Variants in ABCC4 observed in about 807,000 individuals in gnomAD.
The protein encoded by ABCC4 is ATP-binding cassette sub-family C member 4.
Under a neutral mutation model 168.5 loss-of-function variants are expected in ABCC4, and 102 were observed. That is an observed-to-expected ratio of 0.61 (90% CI 0.52 to 0.71). ABCC4 has a LOEUF of 0.71. ABCC4 is among the 30% of genes least tolerant of loss of function. The probability of loss-of-function intolerance (pLI) is 0.00; values close to 1 mark genes in which losing one functional copy is unlikely to be tolerated. For synonymous variants in ABCC4, 617 were observed against 590.7 expected (o/e 1.04, Z -0.65); for missense variants, 1,402 against 1,605.8 (o/e 0.87, Z 2.17).
Position 95,192,867 on chromosome 13 carries a change from C to T in ABCC4, c.1263+1969G>A, listed in dbSNP as rs543421944. Among the ~76,000 whole-genome samples, 25 of 152,092 alleles carry T rather than the reference C, an allele frequency of 1.6e-4. No homozygotes were observed. The East Asian group carries it at 3.7e-3, about 22-fold the overall frequency. ...CTGGGAGACAGAGGTTACAGTGAGCCGAAATCACAGCACTGCACTCCAGCC... is the reference window on the plus strand; with the variant it reads ...CTGGGAGACAGAGGTTACAGTGAGCTGAAATCACAGCACTGCACTCCAGCC... On this transcript the variant is annotated intron_variant, in intron 9 of 30. Coordinates refer to ENST00000645237, the MANE Select transcript of ABCC4 (RefSeq NM_005845.5).
At chr13:95,142,230 G>C (rs566728610) in intron 19 of ABCC4, among the ~76,000 whole-genome samples, 2 of 152,126 alleles carry the variant, frequency 1.3e-5, no homozygotes, top group African/African-American at 4.8e-5. Context: ...ATATAGATAC[G>C]ACAGAATACT....
chr13:95,148,690 C>T lies in ABCC4; in HGVS notation c.2455+12499G>A, dbSNP rs2036577348. ...TGATCAAGAGGCTCTTAAATGACAACCAAAGTTCTCTCTCATTTGACATCA... is the reference window on the plus strand; with the variant it reads ...TGATCAAGAGGCTCTTAAATGACAATCAAAGTTCTCTCTCATTTGACATCA... On this transcript the variant is annotated intron_variant, in intron 19 of 30. Coordinates refer to ENST00000645237, the MANE Select transcript of ABCC4 (RefSeq NM_005845.5). Among the ~76,000 whole-genome samples, 4 of 149,284 alleles carry T rather than the reference C, an allele frequency of 2.7e-5. No homozygotes were observed. The Admixed American group carries it at 2.7e-4, about 10-fold the overall frequency.
intron 4 of ABCC4, among the ~76,000 whole-genome samples, chr13:95,232,158 A>AGTAG (rs1566551495): frequency 6.7e-6 from 1 of 150,066 alleles, no homozygotes; most frequent in Admixed American, 6.6e-5. Flanking sequence ...GGTGGTGGTG[A>AGTAG]TGATGATGAA....
At chr13:95,104,405 T>C (rs570191065) in intron 20 of ABCC4, among the ~76,000 whole-genome samples, 1 of 152,298 alleles carries the variant, frequency 6.6e-6, no homozygotes, top group Non-Finnish European at 1.5e-5. Flanking sequence ...TGAAAAAACA[T>C]GTCCGGGTCT....
chr13:95,021,916 C>A (rs1173451867), intron 30 of ABCC4, among the ~76,000 whole-genome samples: 1 of 152,166 alleles, frequency 6.6e-6, no homozygotes, highest in Non-Finnish European at 1.5e-5. Flanking sequence ...GTTCCGATCA[C>A]TCTGATTCAT....
In ABCC4 at chr13:95,043,736, G is replaced by T. The variant is rs775645310; in HGVS notation, c.3681C>A (p.Thr1227=). Residue 1227 remains threonine, a synonymous_variant, in exon 29 of 31, where the codon ACC becomes ACA. Transcript: ENST00000645237. The part of the protein sequence containing the change: ...KKIREKFAHC[T]VLTIAHRLNT... ...TCAATCTGTGTGCAATGGTTAGCACGGTGCAGTGGGCAAATTTCTCCCGGA... is the reference window on the plus strand; with the variant it reads ...TCAATCTGTGTGCAATGGTTAGCACTGTGCAGTGGGCAAATTTCTCCCGGA... 4.3e-6 allele frequency: 7 copies of T among 1,613,748 alleles called. No homozygotes were observed. The highest frequency in any genetic ancestry group is 5.9e-6 in the Non-Finnish European group (7 of 1,179,910).
intron 3 of ABCC4, among the ~76,000 whole-genome samples, chr13:95,237,562 A>C (rs1046104095): frequency 6.6e-6 from 1 of 152,148 alleles, no homozygotes; most frequent in African/African-American, 2.4e-5. Flanking sequence ...AGGATACTTG[A>C]ATGTTCCATA....
At chr13:95,201,959 T>C (rs1192553836) in intron 8 of ABCC4, among the ~76,000 whole-genome samples, 2 of 151,916 alleles carry the variant, frequency 1.3e-5, no homozygotes, top group African/African-American at 4.8e-5. Flanking sequence ...GCCGACAGAG[T>C]GAGACTCATC....
intron 26 of ABCC4, among the ~76,000 whole-genome samples, chr13:95,057,116 T>C (rs114815066): frequency 0.021 from 3,252 of 152,338 alleles, 102 homozygotes; most frequent in African/African-American, 0.072. Flanking sequence ...CCCTGTGTCA[T>C]GAACACAAAA....
At chr13:95,149,054 A>G (rs2036591193) in intron 19 of ABCC4, 2 of 152,232 alleles carry the variant, frequency 1.3e-5, no homozygotes, top group African/African-American at 4.8e-5. Context: ...CATCTGGTCT[A>G]AAGACTTGAC....
intron 1 of ABCC4, among the ~76,000 whole-genome samples, chr13:95,260,690 T>C (rs1049156711): frequency 1.3e-5 from 2 of 152,130 alleles, no homozygotes; most frequent in Admixed American, 1.3e-4. Context: ...GCATGGGGTC[T>C]GGGGTGATAA....
intron 19 of ABCC4, among the ~76,000 whole-genome samples, chr13:95,121,123 A>G (rs973250411): frequency 4.6e-5 from 7 of 152,194 alleles, no homozygotes; most frequent in African/African-American, 1.7e-4. Flanking sequence ...ACAAGACATG[A>G]GGTACTTATC....
chr13:95,194,758 A>G (rs1405613889), intron 9 of ABCC4, 78 bp downstream of exon 9: 1 of 1,170,798 alleles, frequency 8.5e-7, no homozygotes, highest in Non-Finnish European at 1.2e-6. Context: ...TACCATGTGT[A>G]ACACCTCAAA....
intron 18 of ABCC4, among the ~76,000 whole-genome samples, chr13:95,162,710 T>C (rs1393212044): frequency 1.3e-5 from 2 of 152,176 alleles, no homozygotes; most frequent in African/African-American, 2.4e-5. Context: ...GAGGATTTCA[T>C]CCAAGTTCAA....
chr13:95,227,794 C>T (rs1566547968), intron 4 of ABCC4, among the ~76,000 whole-genome samples: 1 of 152,184 alleles, frequency 6.6e-6, no homozygotes, highest in South Asian at 2.1e-4. Context: ...ACTGCAACCT[C>T]CACCTCCTGG....
chr13:95,214,635 C>A (rs1209481920), intron 4 of ABCC4, among the ~76,000 whole-genome samples: 1 of 152,082 alleles, frequency 6.6e-6, no homozygotes, highest in Non-Finnish European at 1.5e-5. Flanking sequence ...CCTGTATTCC[C>A]AGCACTTTGG....
intron 1 of ABCC4, among the ~76,000 whole-genome samples, chr13:95,294,312 G>A (rs529937736): frequency 2.6e-5 from 4 of 152,222 alleles, no homozygotes; most frequent in East Asian, 3.9e-4. Context: ...GCAGTGAGCC[G>A]AGATCACGCC....
intron 24 of ABCC4, among the ~76,000 whole-genome samples, chr13:95,072,362 G>A (rs1227439185): frequency 6.6e-6 from 1 of 152,174 alleles, no homozygotes; most frequent in African/African-American, 2.4e-5. Context: ...TCAGGAGGCT[G>A]AGGCAGGAAA....
rs1053172756 is a variant in ABCC4 at position 95,059,150 on chromosome 13, T to C, written c.3366+3554A>G. ...GGGACTGCGCCAGCCAACATGGGTT[T>C]AAAGTCCCTAGGAGAGGGTTCAGGA... On this transcript the variant is annotated intron_variant, in intron 26 of 30. Transcript: ENST00000645237. 3.3e-5 allele frequency among the ~76,000 whole-genome samples: 5 copies of C among 152,200 alleles called. No homozygotes were observed. The South Asian group carries it at 1.0e-3, about 31-fold the overall frequency.
Sources: gnomAD v4.1 joint callset for allele counts (sites outside exome capture counted in the v4.1 genomes callset) on GRCh38, gnomAD v4.1.1 for gene constraint, MANE v1.5 for transcripts, NCBI Gene and HGNC (gene_info 2026-07-23, HGNC 2026-07-21) for gene names.